Variants in LEPR observed in about 807,000 individuals in gnomAD.
LEPR encodes leptin receptor, also known as OB receptor.
Under a neutral mutation model 114.7 loss-of-function variants are expected in LEPR, and 56 were observed. The observed-to-expected ratio is 0.49, with a 90% CI of 0.39 to 0.61. The LOEUF (loss-of-function observed/expected upper bound fraction) is 0.61, where lower values mean the gene tolerates loss of function less well. Among genes scored for constraint, LEPR ranks in the 20% least tolerant of loss-of-function variants. The pLI is 0.00. For missense variants in LEPR, 1,202 were observed against 1,352.9 expected, an observed-to-expected ratio of 0.89 and a Z score of 1.75; for synonymous variants, 443 against 461.4, an observed-to-expected ratio of 0.96 and a Z score of 0.51.
At chr1:65,425,264 T>C in intron 1 of LEPR, 39 bp from the exon 2 acceptor site, 3 of 1,584,498 alleles carry the variant, frequency 1.9e-6, no homozygotes, top group Non-Finnish European at 2.6e-6. Context: ...TGACAACCTC[T>C]ACTGTGGGAA....
At chr1:65,466,502 T>A (rs4655598) in intron 2 of LEPR, among the ~76,000 whole-genome samples, 64,326 of 151,918 alleles carry the variant, frequency 0.42, 15,287 homozygotes, top group Middle Eastern at 0.58. Context: ...AATTAATGTG[T>A]CTTGGGGTTG....
chr1:65,622,569 TG>T (rs1657952858), intron 18 of LEPR, among the ~76,000 whole-genome samples: 1 of 152,238 alleles, frequency 6.6e-6, no homozygotes, highest in Non-Finnish European at 1.5e-5. Flanking sequence ...AGTGAGTTGA[TG>T]GGGCCACATC....
intron 2 of LEPR, among the ~76,000 whole-genome samples, chr1:65,525,428 C>G (rs1216948721): frequency 6.6e-6 from 1 of 152,140 alleles, no homozygotes; most frequent in African/African-American, 2.4e-5. Context: ...AGGGGTCCTC[C>G]CTCCCCAGCG....
chr1:65,479,459 C>T (rs1418479551), intron 2 of LEPR, among the ~76,000 whole-genome samples: 1 of 151,878 alleles, frequency 6.6e-6, no homozygotes, highest in Non-Finnish European at 1.5e-5. Context: ...AAACTTGTCC[C>T]CAGAGTAACA....
At chr1:65,503,916 A>G (rs1557628371) in intron 2 of LEPR, among the ~76,000 whole-genome samples, 1 of 152,082 alleles carries the variant, frequency 6.6e-6, no homozygotes, top group Non-Finnish European at 1.5e-5. Flanking sequence ...ATTTGTTCCA[A>G]TAAAAGGAAC....
intron 1 of LEPR, among the ~76,000 whole-genome samples, chr1:65,423,234 C>T (rs573537618): frequency 1.3e-5 from 2 of 152,164 alleles, no homozygotes; most frequent in South Asian, 2.1e-4. Context: ...CAGTTGCGGC[C>T]GGGCCCTTGT....
chr1:65,620,904 G>A (rs539612518), intron 17 of LEPR, among the ~76,000 whole-genome samples: 46 of 152,270 alleles, frequency 3.0e-4, no homozygotes, highest in African/African-American at 1.1e-3. Flanking sequence ...CCAGGCAAAG[G>A]GACAGTGTGT....
intron 2 of LEPR, among the ~76,000 whole-genome samples, chr1:65,528,561 C>A (rs1650138541): frequency 6.6e-6 from 1 of 151,742 alleles, no homozygotes; most frequent in South Asian, 2.1e-4. Flanking sequence ...TATTTTAAAA[C>A]TACAAATCTT....
At chr1:65,630,889 A>G (rs1193409657) in intron 19 of LEPR, among the ~76,000 whole-genome samples, 1 of 151,988 alleles carries the variant, frequency 6.6e-6, no homozygotes, top group Non-Finnish European at 1.5e-5. Flanking sequence ...TTGTTCTTTT[A>G]TTTTAAAAAT....
At chr1:65,550,152 C>A (rs1161302050) in intron 2 of LEPR, among the ~76,000 whole-genome samples, 1 of 152,198 alleles carries the variant, frequency 6.6e-6, no homozygotes, top group Non-Finnish European at 1.5e-5. Context: ...GCGAATGCTG[C>A]TGTCTGATCC....
intron 2 of LEPR, among the ~76,000 whole-genome samples, chr1:65,514,553 A>G (rs1026708462): frequency 6.6e-6 from 1 of 152,228 alleles, no homozygotes; most frequent in African/African-American, 2.4e-5. Flanking sequence ...TAATCTGAAG[A>G]TGCCTTTGAT....
At chr1:65,608,433 G>A (rs561000919) in intron 11 of LEPR, among the ~76,000 whole-genome samples, 118 of 152,044 alleles carry the variant, frequency 7.8e-4, no homozygotes, top group Non-Finnish European at 1.5e-3. Flanking sequence ...GGGTTTCACC[G>A]TGTTAGCCAG....
At chr1:65,487,468 G>A (rs1029097790) in intron 2 of LEPR, among the ~76,000 whole-genome samples, 3 of 151,422 alleles carry the variant, frequency 2.0e-5, no homozygotes, top group Non-Finnish European at 4.4e-5. Context: ...TGTTATGTGT[G>A]GTTTTATATA....
At chr1:65,617,841 A>T in intron 15 of LEPR, 123 bp from the exon 16 acceptor site, 1 of 933,470 alleles carries the variant, frequency 1.1e-6, no homozygotes, top group South Asian at 2.0e-5. Flanking sequence ...TATCATATTT[A>T]TTTGTGTAAA....
At chr1:65,528,907 C>T (rs140654719) in intron 2 of LEPR, among the ~76,000 whole-genome samples, 3,942 of 152,058 alleles carry the variant, frequency 0.026, 79 homozygotes, top group African/African-American at 0.037. Flanking sequence ...CAGGTTCAAG[C>T]GATTCTCCTG....
chr1:65,481,363 C>G (rs1647232067), intron 2 of LEPR, among the ~76,000 whole-genome samples: 1 of 152,066 alleles, frequency 6.6e-6, no homozygotes, highest in African/African-American at 2.4e-5. Context: ...GAAAAAAAAC[C>G]CACAACTTCC....
chr1:65,601,487 A>G lies in LEPR; in HGVS notation c.1090A>G (p.Lys364Glu), dbSNP rs1656437267. 2 of 1,613,762 alleles carry G rather than the reference A, an allele frequency of 1.2e-6. No individual in the cohort carries two copies. The highest frequency in any genetic ancestry group is 4.5e-5 in the East Asian group (2 of 44,844). The change falls in exon 9 of 20, where the codon AAA (lysine) becomes GAA (glutamate). Residue 364 changes from lysine (K) to glutamate (E), a missense_variant. Transcript: ENST00000349533. ...YKKENKIVPS[K>E]EIVWWMNLAE... ...GAAGGAAAACAAGATTGTTCCCTCA[A>G]AAGAGATTGTTTGGTGGATGAATTT... is the stretch of plus-strand genomic sequence containing the variant.
chr1:65,632,116 C>T (rs1046586006), intron 19 of LEPR, among the ~76,000 whole-genome samples: 12 of 152,230 alleles, frequency 7.9e-5, no homozygotes, highest in African/African-American at 2.9e-4. Flanking sequence ...CTTAGATTCC[C>T]CAGTCAGCCC....
chr1:65,490,688 TTTC>T (rs1203901004), intron 2 of LEPR, among the ~76,000 whole-genome samples: 1 of 152,164 alleles, frequency 6.6e-6, no homozygotes, highest in Non-Finnish European at 1.5e-5. Context: ...TAATTTTTCA[TTTC>T]TTCTTAAGCA....
Sources: gnomAD v4.1 joint callset for allele counts (sites outside exome capture counted in the v4.1 genomes callset) on GRCh38, gnomAD v4.1.1 for gene constraint, MANE v1.5 for transcripts, NCBI Gene and HGNC (gene_info 2026-07-23, HGNC 2026-07-21) for gene names.